NCOA1: variants seen among roughly 807,000 people sequenced by gnomAD.
The protein encoded by NCOA1 is Hin-2 protein.
A neutral mutation model predicts 150.9 loss-of-function variants in NCOA1; 35 were observed. The observed-to-expected ratio is 0.23, with a 90% CI of 0.18 to 0.31. The LOEUF (loss-of-function observed/expected upper bound fraction) is 0.31. Among genes scored for constraint, NCOA1 ranks in the 10% least tolerant of loss-of-function variants. The pLI is 1.00. For synonymous variants in NCOA1, 590 were observed against 630.0 expected (o/e 0.94, Z 0.95); for missense variants, 1,491 against 1,749.3 (o/e 0.85, Z 2.63).
intron 7 of NCOA1, among the ~76,000 whole-genome samples, chr2:24,675,793 G>C (rs1397700351): frequency 6.6e-6 from 1 of 152,162 alleles, no homozygotes; most frequent in Non-Finnish European, 1.5e-5. Flanking sequence ...GCTGAGGCAG[G>C]AGAATCACGT....
chr2:24,684,222 A>G (rs552402720), intron 8 of NCOA1, among the ~76,000 whole-genome samples: 1 of 152,302 alleles, frequency 6.6e-6, no homozygotes, highest in African/African-American at 2.4e-5. Flanking sequence ...CTACTGGTGT[A>G]TGGATTGAAC....
chr2:24,710,943 CTTGACCAGTTTGATCAGT>C lies in NCOA1; in HGVS notation c.2433_2450del (p.Asp812_Leu817del). 1 of 1,613,672 alleles carries C rather than the reference CTTGACCAGTTTGATCAGT, an allele frequency of 6.2e-7. No individual in the cohort carries two copies. The highest frequency in any genetic ancestry group is 8.5e-7 in the Non-Finnish European group (1 of 1,179,828). On this transcript the variant is annotated inframe_deletion, in exon 14 of 23. Transcript: ENST00000348332. ...TTTCCATTCTTAGTTTACAGCTGACCTTGACCAGTTTGATCAGTTACTGCCCACGCTGGAGAAGGCAGC... is the reference window on the plus strand; with the variant it reads ...TTTCCATTCTTAGTTTACAGCTGACCTACTGCCCACGCTGGAGAAGGCAGC...
chr2:24,507,647 G>A (rs1053782499), intron 1 of NCOA1, among the ~76,000 whole-genome samples: 2 of 151,420 alleles, frequency 1.3e-5, no homozygotes, highest in Non-Finnish European at 2.9e-5. Context: ...ATCTATGGTA[G>A]TAATTTTTTC....
At chr2:24,723,111 T>C (rs986855288) in intron 14 of NCOA1, among the ~76,000 whole-genome samples, 1 of 152,222 alleles carries the variant, frequency 6.6e-6, no homozygotes, top group Non-Finnish European at 1.5e-5. Flanking sequence ...TTAAAATATA[T>C]AGTGAAAAAT....
At chr2:24,718,169 G>C (rs542526046) in intron 14 of NCOA1, among the ~76,000 whole-genome samples, 1 of 152,214 alleles carries the variant, frequency 6.6e-6, no homozygotes, top group Non-Finnish European at 1.5e-5. Context: ...CAAAGTGCCA[G>C]GATTACAGGT....
At chr2:24,731,502 G>C (rs1402792095) in intron 17 of NCOA1, among the ~76,000 whole-genome samples, 1 of 152,044 alleles carries the variant, frequency 6.6e-6, no homozygotes, top group African/African-American at 2.4e-5. Context: ...AACATAATAT[G>C]TAATATAAAA....
intron 1 of NCOA1, among the ~76,000 whole-genome samples, chr2:24,495,231 C>T (rs2044149): frequency 0.046 from 6,968 of 150,828 alleles, 253 homozygotes; most frequent in East Asian, 0.2. Flanking sequence ...TATTATAAAA[C>T]GCTGATACCA....
chr2:24,674,123 A>G (rs62142316), intron 7 of NCOA1, among the ~76,000 whole-genome samples: 172 of 145,594 alleles, frequency 1.2e-3, no homozygotes, highest in South Asian at 7.5e-3. Context: ...ATATGTATGT[A>G]TGTGTGTGTG....
intron 1 of NCOA1, among the ~76,000 whole-genome samples, chr2:24,495,033 T>C (rs1663139988): frequency 6.6e-6 from 1 of 151,826 alleles, no homozygotes; most frequent in Admixed American, 6.6e-5. Context: ...GGTCATAAAA[T>C]GGCCTAGTGG....
At chr2:24,512,605 C>T (rs1004729631) in intron 1 of NCOA1, among the ~76,000 whole-genome samples, 3 of 152,170 alleles carry the variant, frequency 2.0e-5, no homozygotes, top group African/African-American at 7.2e-5. Flanking sequence ...CACTTATGTG[C>T]AGAGTGGTGC....
At chr2:24,691,361 A>G (rs1672660136) in intron 8 of NCOA1, 120 bp from the exon 9 acceptor site, 1 of 830,860 alleles carries the variant, frequency 1.2e-6, no homozygotes, top group African/African-American at 1.7e-5. Flanking sequence ...TGAAGAGGTC[A>G]GTCTGTCTTT....
intron 1 of NCOA1, among the ~76,000 whole-genome samples, chr2:24,511,932 C>T (rs1490518985): frequency 6.6e-6 from 1 of 152,006 alleles, no homozygotes; most frequent in East Asian, 1.9e-4. Flanking sequence ...GACAAAAGCT[C>T]ATTATATTCC....
At chr2:24,567,077 C>T (rs1572427612) in intron 2 of NCOA1, among the ~76,000 whole-genome samples, 1 of 152,208 alleles carries the variant, frequency 6.6e-6, no homozygotes, top group Non-Finnish European at 1.5e-5. Context: ...CTAGATGGGC[C>T]GCTGCTGCCA....
At chr2:24,663,860 C>A (rs183866189) in intron 5 of NCOA1, among the ~76,000 whole-genome samples, 16 of 152,248 alleles carry the variant, frequency 1.1e-4, no homozygotes, top group African/African-American at 3.4e-4. Flanking sequence ...CCTGTTCTAT[C>A]ACTTTTTTCT....
intron 21 of NCOA1, among the ~76,000 whole-genome samples, chr2:24,758,659 T>C (rs1183560008): frequency 2.0e-5 from 3 of 151,944 alleles, no homozygotes; most frequent in Non-Finnish European, 4.4e-5. Flanking sequence ...AAGATTTCAG[T>C]TTCATGAGAT....
At chr2:24,541,178 A>G (rs1356615230) in intron 1 of NCOA1, among the ~76,000 whole-genome samples, 1 of 152,230 alleles carries the variant, frequency 6.6e-6, no homozygotes, top group Non-Finnish European at 1.5e-5. Context: ...ATGGCAGTTC[A>G]TGGGTGAAGT....
At chr2:24,676,867 G>A (rs1671933717) in intron 7 of NCOA1, among the ~76,000 whole-genome samples, 1 of 152,098 alleles carries the variant, frequency 6.6e-6, no homozygotes. Flanking sequence ...ACCAAGCTGA[G>A]GAAGGAATCT....
intron 22 of NCOA1, among the ~76,000 whole-genome samples, chr2:24,767,605 A>C (rs955305844): frequency 6.6e-6 from 1 of 152,248 alleles, no homozygotes; most frequent in African/African-American, 2.4e-5. Flanking sequence ...TGGATTGTCT[A>C]TCAGGGGAAA....
intron 3 of NCOA1, among the ~76,000 whole-genome samples, chr2:24,597,330 A>G (rs1667924562): frequency 6.6e-6 from 1 of 152,252 alleles, no homozygotes; most frequent in Admixed American, 6.5e-5. Context: ...AATGTAGCAC[A>G]CAGCAGACAT....
Sources: allele counts gnomAD v4.1 joint callset (sites outside exome capture counted in the v4.1 genomes callset), GRCh38; gene constraint gnomAD v4.1.1; transcripts MANE v1.5; gene names NCBI Gene and HGNC (gene_info 2026-07-23, HGNC 2026-07-21).